Variants in SND1 observed in about 807,000 individuals in gnomAD.
SND1 encodes the protein staphylococcal nuclease domain-containing protein 1.
In SND1, 38 loss-of-function variants were observed where a neutral mutation model predicts 121.7. That is an observed-to-expected ratio of 0.31 (90% CI 0.24 to 0.41). The LOEUF (loss-of-function observed/expected upper bound fraction) is 0.41. Among genes scored for constraint, SND1 ranks in the 10% least tolerant of loss-of-function variants. The pLI is 1.00. For synonymous variants in SND1, 401 were observed against 447.4 expected, an observed-to-expected ratio of 0.90 and a Z score of 1.31; for missense variants, 868 against 1,184.6, an observed-to-expected ratio of 0.73 and a Z score of 3.92.
In SND1 at chr7:127,703,806, T is replaced by C. The variant is rs1178118381; in HGVS notation, c.840+483T>C. ...TTTGTCTTACAGAATTGGACAATTT[T>C]CTCACCTTTAGGAAATTAATCTCAA... On this transcript the variant is annotated intron_variant, in intron 7 of 23. Coordinates refer to ENST00000354725, the MANE Select transcript of SND1 (RefSeq NM_014390.4). Among the ~76,000 whole-genome samples, 4 of 152,224 alleles carry C rather than the reference T, an allele frequency of 2.6e-5. No homozygotes were observed. The South Asian group carries it at 6.2e-4, about 24-fold the overall frequency.
chr7:127,866,859 G>A (rs1388021447), intron 12 of SND1, among the ~76,000 whole-genome samples: 1 of 152,158 alleles, frequency 6.6e-6, no homozygotes, highest in Non-Finnish European at 1.5e-5. Flanking sequence ...TCAGCTTCCA[G>A]TTTGCCTTCC....
At chr7:127,945,261 G>C (rs1285818592) in intron 15 of SND1, among the ~76,000 whole-genome samples, 1 of 152,194 alleles carries the variant, frequency 6.6e-6, no homozygotes, top group African/African-American at 2.4e-5. Flanking sequence ...GGGAGGCCGA[G>C]GTGGGCGGAT....
At chr7:127,862,560 C>T (rs747111258) in intron 12 of SND1, among the ~76,000 whole-genome samples, 1 of 152,216 alleles carries the variant, frequency 6.6e-6, no homozygotes, top group Non-Finnish European at 1.5e-5. Context: ...AGACATCACT[C>T]TCAGCATTGG....
intron 16 of SND1, among the ~76,000 whole-genome samples, chr7:128,001,379 C>G (rs1187145513): frequency 6.6e-6 from 1 of 152,204 alleles, no homozygotes; most frequent in African/African-American, 2.4e-5. Flanking sequence ...TCACCATTTG[C>G]TGTCTGACCA....
At chr7:127,734,897 T>C (rs1796746733) in intron 10 of SND1, among the ~76,000 whole-genome samples, 1 of 152,212 alleles carries the variant, frequency 6.6e-6, no homozygotes, top group Non-Finnish European at 1.5e-5. Flanking sequence ...GTTTTGGGTT[T>C]ATTAATTTAT....
chr7:128,021,373 G>A (rs1010763055), intron 16 of SND1, among the ~76,000 whole-genome samples: 1 of 152,314 alleles, frequency 6.6e-6, no homozygotes, highest in Non-Finnish European at 1.5e-5. Context: ...CCAGGGAACT[G>A]GCACTTGGCT....
intron 12 of SND1, among the ~76,000 whole-genome samples, chr7:127,877,935 A>T (rs543251463): frequency 0.013 from 2,026 of 152,184 alleles, 47 homozygotes; most frequent in African/African-American, 0.047. Flanking sequence ...TCTACAAAAA[A>T]GTCTTGTTTT....
intron 15 of SND1, among the ~76,000 whole-genome samples, chr7:127,951,436 GGAGTT>G (rs1410095766): frequency 6.6e-6 from 1 of 152,158 alleles, no homozygotes; most frequent in African/African-American, 2.4e-5. Context: ...TGGGAAACAG[GGAGTT>G]GTTGCTTGAC....
At chr7:127,681,567 G>C (rs978295090) in intron 1 of SND1, among the ~76,000 whole-genome samples, 1 of 152,146 alleles carries the variant, frequency 6.6e-6, no homozygotes, top group Non-Finnish European at 1.5e-5. Flanking sequence ...CTAATGCAAG[G>C]CCATGTAGAT....
intron 15 of SND1, among the ~76,000 whole-genome samples, chr7:127,960,502 T>C (rs994336759): frequency 2.0e-5 from 3 of 152,248 alleles, no homozygotes; most frequent in African/African-American, 7.2e-5. Flanking sequence ...TACAGTCATC[T>C]AGAAAAGGGT....
intron 10 of SND1, among the ~76,000 whole-genome samples, chr7:127,798,940 G>A (rs1453523116): frequency 1.3e-5 from 2 of 150,418 alleles, no homozygotes; most frequent in Non-Finnish European, 2.9e-5. Context: ...CCAGCTACTC[G>A]GCAGGCTGAG....
intron 17 of SND1, among the ~76,000 whole-genome samples, chr7:128,080,871 T>C (rs322826): frequency 0.47 from 71,727 of 151,800 alleles, 19,140 homozygotes; most frequent in African/African-American, 0.72. Flanking sequence ...ATCAGGACTT[T>C]AGAGAACTCA....
At chr7:127,900,992 A>G (rs1453230597) in intron 13 of SND1, among the ~76,000 whole-genome samples, 1 of 152,184 alleles carries the variant, frequency 6.6e-6, no homozygotes, top group Non-Finnish European at 1.5e-5. Context: ...CAGGAGTTTC[A>G]TTCCTTGCCT....
At chr7:127,871,170 CA>C (rs1219345574) in intron 12 of SND1, among the ~76,000 whole-genome samples, 2 of 152,132 alleles carry the variant, frequency 1.3e-5, no homozygotes, top group African/African-American at 2.4e-5. Flanking sequence ...CCTATGATAA[CA>C]ATACCTTCTT....
chr7:127,752,502 T>C (rs1379858706), intron 10 of SND1, among the ~76,000 whole-genome samples: 1 of 152,232 alleles, frequency 6.6e-6, no homozygotes, highest in Non-Finnish European at 1.5e-5. Context: ...CCAGTGGTAG[T>C]GCTGGAATTT....
rs369689881 is a variant in SND1 at position 127,946,410 on chromosome 7, C to T, written c.1669+17081C>T. On this transcript the variant is annotated intron_variant, in intron 15 of 23. Transcript: ENST00000354725. ...CCCTATGCAACCCTTATAAATTATT[C>T]AGCTACTTTATTAATAAAAGACCAA... 2.0e-5 allele frequency among the ~76,000 whole-genome samples: 3 copies of T among 152,308 alleles called. No individual in the cohort carries two copies. The East Asian group carries it at 5.8e-4, about 29-fold the overall frequency.
At chr7:128,091,906 C>A in intron 23 of SND1, 25 bp downstream of exon 23, 1 of 1,614,134 alleles carries the variant, frequency 6.2e-7, no homozygotes, top group Non-Finnish European at 8.5e-7. Context: ...TGGGAGCCCC[C>A]AGAGGGTACC....
At chr7:127,657,727 G>A (rs147788564) in intron 1 of SND1, among the ~76,000 whole-genome samples, 8 of 152,144 alleles carry the variant, frequency 5.3e-5, no homozygotes, top group Non-Finnish European at 1.0e-4. Context: ...CGAACTCCTG[G>A]ACTCAAGTGA....
chr7:127,667,740 C>T lies in SND1; in HGVS notation c.78+15289C>T, dbSNP rs998024307. On this transcript the variant is annotated intron_variant, in intron 1 of 23. Coordinates refer to ENST00000354725, the MANE Select transcript of SND1 (RefSeq NM_014390.4). ...TTGGTAAACAATATTACAGATCAGG[C>T]GTCGAAAAATATTCCGAAAGCACAG... 2.6e-5 allele frequency among the ~76,000 whole-genome samples: 4 copies of T among 152,300 alleles called. 1 individual carries two copies. Among genetic ancestry groups the T allele is most frequent in the South Asian group, 4.1e-4 (2 of 4,832 alleles).
Sources: allele counts gnomAD v4.1 joint callset (sites outside exome capture counted in the v4.1 genomes callset), GRCh38; gene constraint gnomAD v4.1.1; transcripts MANE v1.5; gene names NCBI Gene and HGNC (gene_info 2026-07-23, HGNC 2026-07-21).